OPA3: variants seen among roughly 807,000 people sequenced by gnomAD.
OPA3 encodes the protein outer mitochondrial membrane lipid metabolism regulator OPA3, also known as optic atrophy 3 protein.
OPA3 carries 6 observed loss-of-function variants against 4.0 expected under a neutral mutation model. That is an observed-to-expected ratio of 1.51 (90% CI 0.83 to 2.99). The LOEUF (loss-of-function observed/expected upper bound fraction) is 2.99. Ranked by LOEUF, OPA3 falls within the 30% of genes most tolerant of loss-of-function variation. The probability of loss-of-function intolerance (pLI) is 0.00; values close to 1 mark genes in which losing one functional copy is unlikely to be tolerated. For synonymous variants in OPA3, 105 were observed against 117.1 expected (o/e 0.90, Z 0.67); for missense variants, 235 against 256.2 (o/e 0.92, Z 0.56).
Position 45,529,153 on chromosome 19 carries a change from AG to A in OPA3, c.445del (p.Leu149TrpfsTer67), listed in dbSNP as rs780299639. Reference sequence around the variant, plus strand: ...CTGCAGCTGAGCGCGCAGCTCCTCCAGGGCGAGCTGCGTCGACGTCGCCTGC... The same window carrying A: ...CTGCAGCTGAGCGCGCAGCTCCTCCAGGCGAGCTGCGTCGACGTCGCCTGC... On this transcript the variant is annotated frameshift_variant, in exon 2 of 2. Coordinates refer to the OPA3 transcript ENST00000323060. LOFTEE classifies it low-confidence loss of function (END_TRUNC). 1.2e-5 allele frequency: 19 copies of A among 1,609,686 alleles called. No homozygotes were observed. Among genetic ancestry groups the A allele is most frequent in the Admixed American group, 6.7e-5 (4 of 59,920 alleles).
intron 1 of OPA3, among the ~76,000 whole-genome samples, chr19:45,572,675 T>C (rs1251047622): frequency 7.9e-6 from 1 of 126,378 alleles, no homozygotes; most frequent in African/African-American, 2.7e-5. Flanking sequence ...ATATGAGATA[T>C]ATATCTATAT....
chr19:45,552,176 A>G lies in OPA3; in HGVS notation c.*1338T>C. The stretch of plus-strand genomic sequence containing the variant: ...TCCACTTCGGGTCTCAAGGGAAGGT[A>G]CAATGATTCCAGGGATTGACTGCAG... On this transcript the variant is annotated 3_prime_UTR_variant, in exon 2 of 2. Transcript: ENST00000263275. 1.0e-6 allele frequency: 1 copy of G among 985,344 alleles called. No individual in the cohort carries two copies. The highest frequency in any genetic ancestry group is 1.2e-6 in the Non-Finnish European group (1 of 829,958). 61.0% of individuals were successfully genotyped at this position (985,344 alleles called of 1,614,324 possible).
chr19:45,548,046 G>C lies in OPA3; in HGVS notation c.*5468C>G. 1.1e-6 allele frequency: 1 copy of C among 872,744 alleles called. No homozygotes were observed. The highest frequency in any genetic ancestry group is 1.4e-6 in the Non-Finnish European group (1 of 727,068). The allele number at this position is 872,744 out of a possible 1,614,324, so 54.1% of individuals were successfully genotyped here. A position where few individuals can be genotyped will look rare whatever the true frequency, so the allele number is the denominator to read the frequency against. ...CTCTGGCACTAGAATGTCAGCTCCA[G>C]TGAGGGCCTCTGCTTGCTCCCAACT... is the stretch of plus-strand genomic sequence containing the variant. On this transcript the variant is annotated 3_prime_UTR_variant, in exon 2 of 2. Coordinates refer to ENST00000263275, the MANE Select transcript of OPA3 (RefSeq NM_025136.4).
intron 1 of OPA3, among the ~76,000 whole-genome samples, chr19:45,569,245 G>A (rs946014697): frequency 2.5e-4 from 38 of 152,274 alleles, no homozygotes; most frequent in African/African-American, 7.0e-4. Context: ...GATTACTTGA[G>A]GTCAGGAGTT....
intron 1 of OPA3, 74 bp downstream of exon 1, chr19:45,584,549 T>C (rs750484828): frequency 1.8e-5 from 29 of 1,611,598 alleles, no homozygotes; most frequent in Non-Finnish European, 2.4e-5. Context: ...TAGACAGAAG[T>C]CCATCCCCTA....
At chr19:45,580,994 G>T (rs1338951109) in intron 1 of OPA3, among the ~76,000 whole-genome samples, 1 of 152,176 alleles carries the variant, frequency 6.6e-6, no homozygotes, top group African/African-American at 2.4e-5. Context: ...AACAAACTGG[G>T]TCTAGGAATT....
chr19:45,553,387 C>A lies in OPA3; in HGVS notation c.*127G>T. 1 of 1,583,726 alleles carries A rather than the reference C, an allele frequency of 6.3e-7. No individual in the cohort carries two copies. On this transcript the variant is annotated 3_prime_UTR_variant, in exon 2 of 2. Transcript: ENST00000263275. ...CGGCTGCTCTTATCAGCAGGGGTAA[C>A]CAAATGCCAAGTTGCATCAAGATCC...
intron 1 of OPA3, among the ~76,000 whole-genome samples, chr19:45,568,900 A>C (rs1438254468): frequency 6.6e-6 from 1 of 152,162 alleles, no homozygotes; most frequent in Non-Finnish European, 1.5e-5. Context: ...CAGGTAACTA[A>C]TACCCTCAAA....
rs1568402180 is a variant in OPA3 at position 45,553,493 on chromosome 19, C to A, written c.*21G>T. 1 of 1,612,266 alleles carries A rather than the reference C, an allele frequency of 6.2e-7. No homozygotes were observed. Among genetic ancestry groups the A allele is most frequent in the South Asian group, 1.1e-5 (1 of 91,088 alleles). ...TAGGTACATAGGCCATGTCCAAATT[C>A]AGGTTCCATCCAGCAAGCTCCTATT... On this transcript the variant is annotated 3_prime_UTR_variant, in exon 2 of 2. Coordinates refer to ENST00000263275, the MANE Select transcript of OPA3 (RefSeq NM_025136.4).
intron 1 of OPA3, among the ~76,000 whole-genome samples, chr19:45,556,950 C>A (rs1262881137): frequency 6.6e-6 from 1 of 152,226 alleles, no homozygotes; most frequent in African/African-American, 2.4e-5. Flanking sequence ...TGCCCCAAGG[C>A]CCCTCTGTAA....
chr19:45,537,622 T>G (rs1969136733), intron 1 of OPA3, among the ~76,000 whole-genome samples: 1 of 151,704 alleles, frequency 6.6e-6, no homozygotes, highest in Non-Finnish European at 1.5e-5. Flanking sequence ...GGATGGTATC[T>G]TTTTCTTTTC....
chr19:45,550,279 G>A lies in OPA3; in HGVS notation c.*3235C>T, dbSNP rs1269912023. The A allele has an allele frequency of 1.0e-6, 1 of 985,374 alleles. No individual in the cohort carries two copies. Among genetic ancestry groups the A allele is most frequent in the Non-Finnish European group, 1.2e-6 (1 of 829,968 alleles). The allele number at this position is 985,374 out of a possible 1,614,324, so 61.0% of individuals were successfully genotyped here. ...TTTTACCTCTTTAGAGAAGGGAGGT[G>A]AGGATGGAAGTCGGGGAAAGCCCGG... is the stretch of plus-strand genomic sequence containing the variant. On this transcript the variant is annotated 3_prime_UTR_variant, in exon 2 of 2. Transcript: ENST00000263275.
chr19:45,529,873 ACG>A (rs1969040014), intron 1 of OPA3, among the ~76,000 whole-genome samples: 1 of 151,786 alleles, frequency 6.6e-6, no homozygotes, highest in African/African-American at 2.4e-5. Context: ...AGCTGGGACA[ACG>A]TGTGCGCGCC....
At chr19:45,579,900 C>G (rs1016228230) in intron 1 of OPA3, among the ~76,000 whole-genome samples, 11 of 151,912 alleles carry the variant, frequency 7.2e-5, no homozygotes, top group African/African-American at 2.7e-4. Context: ...GAAATTGAAG[C>G]TAAGAGGGGC....
intron 1 of OPA3, among the ~76,000 whole-genome samples, chr19:45,577,766 G>A (rs897827732): frequency 2.0e-5 from 3 of 151,886 alleles, no homozygotes; most frequent in East Asian, 1.9e-4. Context: ...GAGGCACCTC[G>A]AGTCTGTGGT....
chr19:45,577,253 C>G (rs1292374820), intron 1 of OPA3, among the ~76,000 whole-genome samples: 1 of 152,234 alleles, frequency 6.6e-6, no homozygotes, highest in Non-Finnish European at 1.5e-5. Context: ...GCTCCAGCCT[C>G]TCCTGTGAGA....
intron 1 of OPA3, among the ~76,000 whole-genome samples, chr19:45,564,984 C>T (rs8112918): frequency 0.3 from 44,895 of 150,110 alleles, 7,085 homozygotes; most frequent in Middle Eastern, 0.4. Flanking sequence ...CCCAGCACTT[C>T]GGGAGACCGA....
intron 1 of OPA3, among the ~76,000 whole-genome samples, chr19:45,572,558 TG>T (rs1457421266): frequency 9.4e-6 from 1 of 106,416 alleles, no homozygotes; most frequent in Non-Finnish European, 2.1e-5. Flanking sequence ...ATATCATATA[TG>T]GATATATATC....
At position 45,560,149 on chromosome 19, in the gene OPA3, G is replaced by A. The variant is rs551047891; in HGVS notation, c.143-6238C>T. 4.6e-5 allele frequency among the ~76,000 whole-genome samples: 7 copies of A among 151,892 alleles called. No individual in the cohort carries two copies. The South Asian group carries it at 6.2e-4, about 14-fold the overall frequency. On this transcript the variant is annotated intron_variant, in intron 1 of 1. Transcript: ENST00000263275. ...CTTGGGTTACATAGAATCGTTTTCC[G>A]TCTCCTCCCTGAACTCTCTCCCTCC...
Sources: gnomAD v4.1 joint callset for allele counts (sites outside exome capture counted in the v4.1 genomes callset) on GRCh38, gnomAD v4.1.1 for gene constraint, MANE v1.5 for transcripts, NCBI Gene and HGNC (gene_info 2026-07-23, HGNC 2026-07-21) for gene names.